Variants in PRKACB observed in about 807,000 individuals in gnomAD.
PRKACB encodes the protein cAMP-dependent protein kinase catalytic subunit beta.
PRKACB carries 16 observed loss-of-function variants against 51.4 expected under a neutral mutation model. That is an observed-to-expected ratio of 0.31 (90% confidence interval 0.21 to 0.47). The LOEUF (loss-of-function observed/expected upper bound fraction) is 0.47, where lower values mean the gene tolerates loss of function less well. Ranked by LOEUF, PRKACB falls within the 20% of genes least tolerant of loss-of-function variation. The probability of loss-of-function intolerance (pLI) is 1.00; values close to 1 mark genes in which losing one functional copy is unlikely to be tolerated. For missense variants in PRKACB, 309 were observed against 464.5 expected, an observed-to-expected ratio of 0.67 and a Z score of 3.08; for synonymous variants, 147 against 154.4, an observed-to-expected ratio of 0.95 and a Z score of 0.35.
chr1:84,086,296 T>A, intron 1 of PRKACB: 1 of 1,065,478 alleles, frequency 9.4e-7, no homozygotes, highest in Non-Finnish European at 1.4e-6. Flanking sequence ...TGGCCCTTCC[T>A]GCTGCCTCCC....
chr1:84,234,692 C>T (rs1286348297), intron 9 of PRKACB, among the ~76,000 whole-genome samples: 1 of 152,204 alleles, frequency 6.6e-6, no homozygotes, highest in Non-Finnish European at 1.5e-5. Context: ...TGCCGTCTGT[C>T]ACCCCTTTCT....
intron 8 of PRKACB, chr1:84,204,561 G>A: frequency 1.3e-6 from 2 of 1,575,070 alleles, no homozygotes; most frequent in African/African-American, 1.4e-5. Context: ...AATTTGAGAA[G>A]TGTAGACTCT....
At chr1:84,172,638 A>G (rs2100838478) in intron 1 of PRKACB, among the ~76,000 whole-genome samples, 1 of 151,846 alleles carries the variant, frequency 6.6e-6, no homozygotes, top group East Asian at 1.9e-4. Flanking sequence ...GATTATTTAA[A>G]TATATGTCTC....
At chr1:84,193,231 A>G (rs561803693) in intron 5 of PRKACB, among the ~76,000 whole-genome samples, 3 of 152,158 alleles carry the variant, frequency 2.0e-5, no homozygotes, top group African/African-American at 7.2e-5. Context: ...AGTCCAAAAG[A>G]GACTCACTAA....
At chr1:84,195,129 C>T (rs931429847) in intron 5 of PRKACB, among the ~76,000 whole-genome samples, 1 of 152,174 alleles carries the variant, frequency 6.6e-6, no homozygotes, top group Non-Finnish European at 1.5e-5. Flanking sequence ...CCAGTTTAAG[C>T]ATAAATGTTG....
chr1:84,226,197 C>T (rs573671311), intron 9 of PRKACB, among the ~76,000 whole-genome samples: 1 of 151,408 alleles, frequency 6.6e-6, no homozygotes, highest in African/African-American at 2.4e-5. Context: ...TTTATATTTC[C>T]TAGAAAATCA....
At chr1:84,146,906 A>T (rs537001176) in intron 1 of PRKACB, among the ~76,000 whole-genome samples, 1 of 152,156 alleles carries the variant, frequency 6.6e-6, no homozygotes, top group South Asian at 2.1e-4. Flanking sequence ...TTAAATAAAT[A>T]TGTAACAGCT....
At chr1:84,233,036 T>A (rs1335826526) in intron 9 of PRKACB, among the ~76,000 whole-genome samples, 2 of 151,860 alleles carry the variant, frequency 1.3e-5, no homozygotes, top group East Asian at 3.9e-4. Context: ...TGGCATGATT[T>A]TGCAGCAACT....
chr1:84,214,461 C>T, intron 9 of PRKACB, 144 bp downstream of exon 9: 3 of 786,888 alleles, frequency 3.8e-6, no homozygotes, highest in Non-Finnish European at 5.4e-6. Context: ...TACTTTACAG[C>T]CCATAACTTA....
chr1:84,208,245 A>G (rs116616465), intron 8 of PRKACB, among the ~76,000 whole-genome samples: 230 of 152,338 alleles, frequency 1.5e-3, no homozygotes, highest in Non-Finnish European at 2.8e-3. Context: ...TTCATCTTGA[A>G]CTTTTAGAAG....
chr1:84,092,453 T>C (rs1377588884), intron 1 of PRKACB, among the ~76,000 whole-genome samples: 2 of 152,226 alleles, frequency 1.3e-5, no homozygotes, highest in Non-Finnish European at 2.9e-5. Context: ...GGAGCTCTTA[T>C]AAATAATGCT....
At chr1:84,093,206 T>C (rs746747790) in intron 1 of PRKACB, among the ~76,000 whole-genome samples, 91 of 152,012 alleles carry the variant, frequency 6.0e-4, no homozygotes, top group Non-Finnish European at 1.2e-3. Flanking sequence ...CTATGTTAGG[T>C]TTAGAAGCTT....
intron 1 of PRKACB, among the ~76,000 whole-genome samples, chr1:84,112,225 CTTTT>C (rs905575496): frequency 8.3e-6 from 1 of 120,040 alleles, no homozygotes; most frequent in African/African-American, 3.1e-5. Flanking sequence ...TGGACTGCTT[CTTTT>C]TTTTTTTTTT....
At chr1:84,146,575 G>A (rs920697137) in intron 1 of PRKACB, among the ~76,000 whole-genome samples, 1 of 151,924 alleles carries the variant, frequency 6.6e-6, no homozygotes, top group Non-Finnish European at 1.5e-5. Flanking sequence ...GCTACTTAAA[G>A]CAGTTTACTT....
chr1:84,094,478 GT>G (rs1344522727), intron 1 of PRKACB, among the ~76,000 whole-genome samples: 2 of 151,692 alleles, frequency 1.3e-5, no homozygotes, highest in Admixed American at 6.6e-5. Flanking sequence ...TTATTCCATT[GT>G]TTTTTCTTTG....
In PRKACB at chr1:84,234,257, A is replaced by G. The variant is rs865804452; in HGVS notation, c.1072-923A>G. ...CAGGGGTCAGGGACCCACTTGAGGA[A>G]GCAGTCTGCCCGTTCTCAGATCTCC... On this transcript the variant is annotated intron_variant, in intron 9 of 9. Coordinates refer to ENST00000370685, the MANE Select transcript of PRKACB (RefSeq NM_182948.4). Among the ~76,000 whole-genome samples the G allele has an allele frequency of 6.0e-3, 906 of 152,086 alleles. 6 individuals carry two copies. Among genetic ancestry groups the G allele is most frequent in the African/African-American group, 0.02 (847 of 41,472 alleles).
Position 84,237,660 on chromosome 1 carries a change from C to G in PRKACB, c.*2355C>G, listed in dbSNP as rs1676772592. 1 of 152,040 alleles carries G rather than the reference C, an allele frequency of 6.6e-6. No individual in the cohort carries two copies. Among genetic ancestry groups the G allele is most frequent in the South Asian group, 2.1e-4 (1 of 4,812 alleles). 9.4% of individuals were successfully genotyped at this position (152,040 alleles called of 1,614,324 possible). On this transcript the variant is annotated 3_prime_UTR_variant, in exon 10 of 10. Coordinates refer to ENST00000370685, the MANE Select transcript of PRKACB (RefSeq NM_182948.4). ...AAGTATGTAACATTCCCAGTTTCAG[C>G]CACAATTTAGCCAAGAATAAGATAA...
chr1:84,144,600 T>G (rs1653784150), intron 1 of PRKACB, 52 bp downstream of exon 1: 1 of 1,494,764 alleles, frequency 6.7e-7, no homozygotes, highest in Admixed American at 2.5e-5. Context: ...AAAATGGTAA[T>G]TGGAGTTTTA....
rs1411165894 is a variant in PRKACB at position 84,235,828 on chromosome 1, A to G, written c.*523A>G. 6.5e-6 allele frequency: 1 copy of G among 153,098 alleles called. No homozygotes were observed. The highest frequency in any genetic ancestry group is 2.4e-5 in the African/African-American group (1 of 41,450). The allele number at this position is 153,098 out of a possible 1,614,324, so 9.5% of individuals were successfully genotyped here. ...ATTTTTGAAGATAGACTGTCTTATC[A>G]CCAAGGAAATTTATACAAATTAAGA... On this transcript the variant is annotated 3_prime_UTR_variant, in exon 10 of 10. Transcript: ENST00000370685.
Sources: allele counts gnomAD v4.1 joint callset (sites outside exome capture counted in the v4.1 genomes callset), GRCh38; gene constraint gnomAD v4.1.1; transcripts MANE v1.5; gene names NCBI Gene and HGNC (gene_info 2026-07-23, HGNC 2026-07-21).